Variants in AKNAD1 observed in about 807,000 individuals in gnomAD.
The protein encoded by AKNAD1 is AKNA domain containing 1, also known as protein AKNAD1.
In AKNAD1, 67 loss-of-function variants were observed where a neutral mutation model predicts 90.8. The observed-to-expected ratio is 0.74, with a 90% CI of 0.61 to 0.90. The LOEUF is 0.90. AKNAD1 is among the 40% of genes least tolerant of loss of function. The pLI, the probability that AKNAD1 is intolerant of heterozygous loss-of-function variation, is 0.00. For missense variants in AKNAD1, 957 were observed against 975.4 expected, an observed-to-expected ratio of 0.98 and a Z score of 0.25; for synonymous variants, 327 against 341.4, an observed-to-expected ratio of 0.96 and a Z score of 0.46.
At chr1:108,826,255 G>A (rs1240082531) in intron 11 of AKNAD1, among the ~76,000 whole-genome samples, 1 of 151,720 alleles carries the variant, frequency 6.6e-6, no homozygotes, top group Admixed American at 6.6e-5. Flanking sequence ...CAGTGCAGAT[G>A]TAAGAAAGCC....
At chr1:108,849,120 A>C in intron 3 of AKNAD1, 60 bp from the exon 4 acceptor site, 3 of 1,432,282 alleles carry the variant, frequency 2.1e-6, no homozygotes, top group Non-Finnish European at 2.8e-6. Context: ...AGTTTTATTA[A>C]GTACTGAAAA....
intron 9 of AKNAD1, chr1:108,830,866 G>A (rs1044159775): frequency 1.7e-6 from 1 of 593,744 alleles, no homozygotes; most frequent in Non-Finnish European, 3.0e-6. Context: ...GTGTCACTCA[G>A]TCGGGGCTGC....
rs928725162 is a variant in AKNAD1, at chr1:108,821,381, G to A, written c.2168-755C>T. On this transcript the variant is annotated intron_variant, in intron 13 of 15. Coordinates refer to ENST00000370001, the MANE Select transcript of AKNAD1 (RefSeq NM_152763.5). ...CATGAGAGTCATTTGAACCCAGGAGGTGGAGGTTGCAGTGAGCCAAGATAG... is the reference window on the plus strand; with the variant it reads ...CATGAGAGTCATTTGAACCCAGGAGATGGAGGTTGCAGTGAGCCAAGATAG... Among the ~76,000 whole-genome samples the A allele has an allele frequency of 2.0e-5, 3 of 151,554 alleles. No homozygotes were observed. In the South Asian group the frequency reaches 6.3e-4, roughly 32 times the overall value.
intron 7 of AKNAD1, 49 bp from the exon 8 acceptor site, chr1:108,835,105 G>T (rs773212623): frequency 6.5e-7 from 1 of 1,549,258 alleles, no homozygotes; most frequent in East Asian, 2.5e-5. Flanking sequence ...AGTCCCACTG[G>T]AGGTGACTCA....
intron 6 of AKNAD1, among the ~76,000 whole-genome samples, chr1:108,840,603 C>T (rs1205152334): frequency 6.6e-6 from 1 of 152,082 alleles, no homozygotes; most frequent in East Asian, 1.9e-4. Context: ...TCTAAATATA[C>T]ACTAACCTAT....
At chr1:108,816,954 G>T in intron 15 of AKNAD1, 94 bp downstream of exon 15, 1 of 1,456,136 alleles carries the variant, frequency 6.9e-7, no homozygotes, top group Non-Finnish European at 9.4e-7. Flanking sequence ...CTGAAGCTCT[G>T]ATACTGTAAT....
At chr1:108,818,609 C>T (rs760819436) in intron 14 of AKNAD1, among the ~76,000 whole-genome samples, 2 of 152,016 alleles carry the variant, frequency 1.3e-5, no homozygotes, top group Admixed American at 1.3e-4. Context: ...ACTTTACATG[C>T]GGGGAAATGG....
intron 8 of AKNAD1, 86 bp downstream of exon 8, chr1:108,834,843 G>A (rs1570810172): frequency 6.7e-7 from 1 of 1,484,910 alleles, no homozygotes; most frequent in Non-Finnish European, 8.9e-7. Context: ...TCCTGTGGGA[G>A]CCTCATGGGC....
Position 108,837,560 on chromosome 1 carries a change from A to C in AKNAD1, c.1526T>G (p.Leu509Arg). The change falls in exon 7 of 16, where the codon CTC (leucine) becomes CGC (arginine). Residue 509 changes from leucine to arginine, a missense_variant. By Grantham distance (102) the Leu-to-Arg change is moderately radical. Transcript: ENST00000370001. ...ACATTGCTGTATTACCTCATTTGAG[A>C]GTGAAGAGAAGGTGGAGGCCAAGTC... ...LDDLASTFSSLSNEIPKEHPG... is the reference protein window; with the variant it reads ...LDDLASTFSSRSNEIPKEHPG... 1 of 1,614,136 alleles carries C rather than the reference A, an allele frequency of 6.2e-7. No homozygotes were observed. The highest frequency in any genetic ancestry group is 8.5e-7 in the Non-Finnish European group (1 of 1,180,010).
chr1:108,822,663 T>C (rs1261556456), intron 13 of AKNAD1, among the ~76,000 whole-genome samples: 6 of 152,164 alleles, frequency 3.9e-5, no homozygotes, highest in African/African-American at 9.7e-5. Flanking sequence ...GGAAGAGCTC[T>C]GAAGGTATGA....
chr1:108,816,918 C>T, intron 15 of AKNAD1, 130 bp downstream of exon 15: 1 of 1,122,348 alleles, frequency 8.9e-7, no homozygotes, highest in East Asian at 2.5e-5. Context: ...GTTCTGAGCA[C>T]AAAATTGTCT....
At position 108,852,098 on chromosome 1, in the gene AKNAD1, C is replaced by G. The variant is rs747976210; in HGVS notation, c.567G>C (p.Thr189=). The change falls in exon 2 of 16, where the codon ACG becomes ACC. Residue 189 remains threonine (T), a synonymous_variant. Transcript: ENST00000370001. The stretch of plus-strand genomic sequence containing the variant: ...CTAAATCAGAGGTATTTTCCTCTGT[C>G]GTGGTGGCAGAACCAGGCTTATTGC... ...ENSNKPGSAT[T]TEENTSDLEG... The G allele has an allele frequency of 6.8e-4, 1,092 of 1,614,160 alleles. 2 individuals are homozygous for G. The highest frequency in any genetic ancestry group is 8.4e-4 in the Non-Finnish European group (997 of 1,180,024).
intron 1 of AKNAD1, among the ~76,000 whole-genome samples, chr1:108,852,993 A>G (rs1664917953): frequency 6.6e-6 from 1 of 152,070 alleles, no homozygotes; most frequent in African/African-American, 2.4e-5. Flanking sequence ...TACATTTTTC[A>G]TTTATTAAAT....
chr1:108,836,399 GCA>G (rs1664386908), intron 7 of AKNAD1, among the ~76,000 whole-genome samples: 1 of 151,960 alleles, frequency 6.6e-6, no homozygotes. Context: ...AAAGATGAGT[GCA>G]GAGTCACAGA....
rs762449347 is a variant in AKNAD1 at position 108,834,987 on chromosome 1, G to T, written c.1606C>A (p.Pro536Thr). The change falls in exon 8 of 16, where the codon CCC (proline) becomes ACC (threonine). Residue 536 changes from proline to threonine, a missense_variant. Transcript: ENST00000370001. The part of the protein sequence containing the change: ...GSGGSEVTGT[P>T]QGGPQEAPNE... ...GGGGCCTCCTGCGGCCCTCCTTGGG[G>T]TGTCCCTGTTACCTCACTCCCACCT... The T allele has an allele frequency of 1.3e-6, 2 of 1,563,934 alleles. No homozygotes were observed. Among genetic ancestry groups the T allele is most frequent in the South Asian group, 2.4e-5 (2 of 84,320 alleles).
chr1:108,823,512 C>T (rs1253067041), intron 12 of AKNAD1, 35 bp from the exon 13 acceptor site: 3 of 1,609,228 alleles, frequency 1.9e-6, no homozygotes, highest in African/African-American at 1.3e-5. Context: ...AGTTAATTGC[C>T]TGGGAACAGT....
chr1:108,829,972 C>T (rs1240645950), intron 10 of AKNAD1, among the ~76,000 whole-genome samples: 4 of 152,170 alleles, frequency 2.6e-5, no homozygotes, highest in Non-Finnish European at 5.9e-5. Flanking sequence ...GAGGATTTTA[C>T]ATGATTTACA....
chr1:108,843,599 C>T lies in AKNAD1; in HGVS notation c.1246-332G>A, dbSNP rs562271586. 1.1e-4 allele frequency among the ~76,000 whole-genome samples: 17 copies of T among 152,304 alleles called. No individual in the cohort carries two copies. The South Asian group carries it at 3.5e-3, about 32-fold the overall frequency. ...GCAGAATGGTTTTTAGCTTACAAAG[C>T]ATTTTTCCATTCCTCATCTTATTTA... On this transcript the variant is annotated intron_variant, in intron 5 of 15. Coordinates refer to ENST00000370001, the MANE Select transcript of AKNAD1 (RefSeq NM_152763.5).
At chr1:108,820,447 AG>A (rs1321284317) in intron 14 of AKNAD1, 97 bp downstream of exon 14, 2 of 731,792 alleles carry the variant, frequency 2.7e-6, no homozygotes, top group African/African-American at 3.5e-5. Context: ...CTAATCATCT[AG>A]GTTATCTTGG....
Sources: gnomAD v4.1 joint callset for allele counts (sites outside exome capture counted in the v4.1 genomes callset) on GRCh38, gnomAD v4.1.1 for gene constraint, MANE v1.5 for transcripts, NCBI Gene and HGNC (gene_info 2026-07-23, HGNC 2026-07-21) for gene names.